CSMD1: variants seen among roughly 807,000 people sequenced by gnomAD.
The protein encoded by CSMD1 is CUB and Sushi multiple domains 1, also known as CUB and sushi domain-containing protein 1.
CSMD1 carries 213 observed loss-of-function variants against 417.5 expected under a neutral mutation model. The ratio of observed to expected loss-of-function variants is 0.51; its 90% CI spans 0.46 to 0.57. The LOEUF (loss-of-function observed/expected upper bound fraction) is 0.57. Among genes scored for constraint, CSMD1 ranks in the 20% least tolerant of loss-of-function variants. The pLI, the probability that CSMD1 is intolerant of heterozygous loss-of-function variation, is 0.00. For missense variants in CSMD1, 6,923 were observed against 4,529.7 expected, an observed-to-expected ratio of 1.53 and a Z score of -15.17; for synonymous variants, 2,862 against 1,736.8, an observed-to-expected ratio of 1.65 and a Z score of -16.11.
chr8:3,607,219 T>A (rs955501286), intron 8 of CSMD1, among the ~76,000 whole-genome samples: 4 of 152,176 alleles, frequency 2.6e-5, no homozygotes, highest in African/African-American at 9.6e-5. Context: ...GTCAGGATCA[T>A]TAATATCACT....
At chr8:4,202,537 T>G (rs1367556653) in intron 3 of CSMD1, among the ~76,000 whole-genome samples, 4 of 152,198 alleles carry the variant, frequency 2.6e-5, no homozygotes, top group East Asian at 3.9e-4. Flanking sequence ...AAAACTCTAT[T>G]TGTCAGGACA....
chr8:4,156,576 C>T (rs1344265192), intron 3 of CSMD1, among the ~76,000 whole-genome samples: 2 of 152,004 alleles, frequency 1.3e-5, no homozygotes, highest in African/African-American at 2.4e-5. Context: ...TATCCACATA[C>T]CCAAAAGCAT....
chr8:4,683,159 T>G (rs1371798480), intron 1 of CSMD1, among the ~76,000 whole-genome samples: 1 of 151,904 alleles, frequency 6.6e-6, no homozygotes, highest in Non-Finnish European at 1.5e-5. Flanking sequence ...GATCTGTTAA[T>G]GTTTTTACAA....
At chr8:4,102,915 G>C (rs776037209) in intron 3 of CSMD1, among the ~76,000 whole-genome samples, 28 of 152,096 alleles carry the variant, frequency 1.8e-4, no homozygotes, top group African/African-American at 3.9e-4. Context: ...CTGAGTGCTG[G>C]AGTCACACAT....
At chr8:4,282,016 A>C (rs573508896) in intron 3 of CSMD1, among the ~76,000 whole-genome samples, 5 of 152,192 alleles carry the variant, frequency 3.3e-5, no homozygotes, top group Non-Finnish European at 7.3e-5. Context: ...TGTTCTCTTG[A>C]GATGTGATTA....
At chr8:4,056,180 C>T (rs925437414) in intron 3 of CSMD1, among the ~76,000 whole-genome samples, 3 of 139,912 alleles carry the variant, frequency 2.1e-5, no homozygotes, top group Admixed American at 8.0e-5. Flanking sequence ...CTCTTGGGTT[C>T]GAGCAATTCT....
intron 50 of CSMD1, among the ~76,000 whole-genome samples, chr8:3,047,337 T>C (rs1472103788): frequency 6.6e-6 from 1 of 151,876 alleles, no homozygotes; most frequent in Non-Finnish European, 1.5e-5. Flanking sequence ...TGTTCCTTCA[T>C]CTACATCCGT....
intron 5 of CSMD1, 68 bp from the exon 6 acceptor site, chr8:3,754,110 C>T (rs578066426): frequency 8.4e-4 from 805 of 963,578 alleles, no homozygotes; most frequent in Non-Finnish European, 1.2e-3. Context: ...ATATCAAACC[C>T]GCTTTGAAAT....
intron 3 of CSMD1, among the ~76,000 whole-genome samples, chr8:4,162,226 C>G (rs568844110): frequency 6.6e-6 from 1 of 152,260 alleles, no homozygotes; most frequent in East Asian, 1.9e-4. Context: ...TGTTATGTTA[C>G]CAGTATTCAT....
chr8:4,122,379 T>A (rs369537392), intron 3 of CSMD1, among the ~76,000 whole-genome samples: 1 of 152,188 alleles, frequency 6.6e-6, no homozygotes, highest in African/African-American at 2.4e-5. Flanking sequence ...GCCAACAATT[T>A]GCCAGGCTGT....
intron 7 of CSMD1, among the ~76,000 whole-genome samples, chr8:3,684,547 G>C (rs773162945): frequency 4.4e-4 from 66 of 149,038 alleles, no homozygotes; most frequent in Non-Finnish European, 7.6e-4. Flanking sequence ...AAATGGCACT[G>C]TCTTTCTATA....
intron 12 of CSMD1, among the ~76,000 whole-genome samples, chr8:3,458,583 T>C (rs557221661): frequency 1.3e-5 from 2 of 152,332 alleles, no homozygotes; most frequent in South Asian, 2.1e-4. Flanking sequence ...TTCAGTAAAA[T>C]CCTATGTTCA....
chr8:4,713,911 G>A (rs1240324120), intron 1 of CSMD1, among the ~76,000 whole-genome samples: 3 of 152,076 alleles, frequency 2.0e-5, no homozygotes, highest in African/African-American at 7.2e-5. Flanking sequence ...TGGGGAGGCC[G>A]AGGAGGGTGG....
chr8:3,839,022 ATAT>A (rs1402165743), intron 5 of CSMD1, among the ~76,000 whole-genome samples: 3 of 127,730 alleles, frequency 2.3e-5, no homozygotes, highest in African/African-American at 8.6e-5. Flanking sequence ...TTATATGTTG[ATAT>A]TATATATATT....
At chr8:4,705,252 G>C (rs935694105) in intron 1 of CSMD1, among the ~76,000 whole-genome samples, 1 of 151,946 alleles carries the variant, frequency 6.6e-6, no homozygotes, top group African/African-American at 2.4e-5. Context: ...CCAGTCTCTG[G>C]TATTTTTTTT....
chr8:4,540,745 A>C lies in CSMD1; in HGVS notation c.302+96597T>G, dbSNP rs1051045052. Among the ~76,000 whole-genome samples, 6 of 152,140 alleles carry C rather than the reference A, an allele frequency of 3.9e-5. No individual in the cohort carries two copies. In the South Asian group the frequency reaches 1.0e-3, roughly 26 times the overall value. On this transcript the variant is annotated intron_variant, in intron 2 of 69. Coordinates refer to ENST00000635120, the MANE Select transcript of CSMD1 (RefSeq NM_033225.6). ...AGTGTCTAAGCTGTGCCAGGTACTA[A>C]GGGCTGTCCACTTACCTTAATCATC...
intron 1 of CSMD1, among the ~76,000 whole-genome samples, chr8:4,933,593 C>G (rs1280996523): frequency 3.3e-5 from 5 of 152,094 alleles, no homozygotes; most frequent in Non-Finnish European, 5.9e-5. Flanking sequence ...TGCAACAAGC[C>G]TCTCCGGCAC....
intron 20 of CSMD1, among the ~76,000 whole-genome samples, chr8:3,364,331 T>C (rs938257080): frequency 6.6e-6 from 1 of 152,222 alleles, no homozygotes; most frequent in Non-Finnish European, 1.5e-5. Flanking sequence ...GACTTTCTGC[T>C]TGTGTGCAAC....
chr8:4,583,417 A>G (rs192000169), intron 2 of CSMD1, among the ~76,000 whole-genome samples: 77 of 151,936 alleles, frequency 5.1e-4, no homozygotes, highest in African/African-American at 1.8e-3. Flanking sequence ...TGTCTAGCTC[A>G]GGGTTTGTGA....
Sources: allele counts gnomAD v4.1 joint callset (sites outside exome capture counted in the v4.1 genomes callset), GRCh38; gene constraint gnomAD v4.1.1; transcripts MANE v1.5; gene names NCBI Gene and HGNC (gene_info 2026-07-23, HGNC 2026-07-21).